The following DNAH12 variants were observed in gnomAD, a reference collection of about 807,000 sequenced individuals.
DNAH12 encodes the protein axonemal beta dynein heavy chain 12.
A neutral mutation model predicts 371.5 loss-of-function variants in DNAH12; 285 were observed. The ratio of observed to expected loss-of-function variants is 0.77; its 90% CI spans 0.70 to 0.85. DNAH12 has a LOEUF of 0.85. Among genes scored for constraint, DNAH12 ranks in the 40% least tolerant of loss-of-function variants. The pLI, the probability that DNAH12 is intolerant of heterozygous loss-of-function variation, is 0.00. For missense variants in DNAH12, 3,611 were observed against 3,689.4 expected, an observed-to-expected ratio of 0.98 and a Z score of 0.55; for synonymous variants, 1,200 against 1,213.0, an observed-to-expected ratio of 0.99 and a Z score of 0.22.
chr3:57,508,483 T>A lies in DNAH12; in HGVS notation c.600A>T (p.Ile200=), dbSNP rs1394383324. 7.4e-6 allele frequency: 12 copies of A among 1,613,228 alleles called. No individual in the cohort carries two copies. Among genetic ancestry groups the A allele is most frequent in the Non-Finnish European group, 1.0e-5 (12 of 1,179,862 alleles). ...GATGAATAATGTGCAAATTAGAGAATATTTGATTTCTTGCCTGCACATAGC... is the reference window on the plus strand; with the variant it reads ...GATGAATAATGTGCAAATTAGAGAAAATTTGATTTCTTGCCTGCACATAGC... ...HSSYVQARNQ[I]FSNLHIIHPT... The change falls in exon 7 of 74, where the codon ATA becomes ATT. Residue 200 remains isoleucine (I), a synonymous_variant. Coordinates refer to ENST00000495027, the MANE Select transcript of DNAH12 (RefSeq NM_001366028.2).
intron 25 of DNAH12, among the ~76,000 whole-genome samples, chr3:57,451,123 T>C (rs1364789514): frequency 6.6e-6 from 1 of 152,220 alleles, no homozygotes; most frequent in Non-Finnish European, 1.5e-5. Flanking sequence ...GCTGTCCTTA[T>C]TTCCCTACAG....
intron 60 of DNAH12, 147 bp from the exon 61 acceptor site, chr3:57,335,087 AAAC>A (rs1249903721): frequency 1.1e-6 from 1 of 872,106 alleles, no homozygotes; most frequent in Non-Finnish European, 1.7e-6. Context: ...AAAATTAATG[AAAC>A]AACTGTTTTT....
chr3:57,421,902 CTTTTTT>C (rs368757579), intron 35 of DNAH12, among the ~76,000 whole-genome samples, 196 bp from the exon 36 acceptor site: 1 of 98,546 alleles, frequency 1.0e-5, no homozygotes, highest in African/African-American at 4.9e-5. Flanking sequence ...GTTTGCATGT[CTTTTTT>C]TTTTTTTTTT....
At chr3:57,310,645 GA>G (rs1193910647) in intron 67 of DNAH12, 71 bp downstream of exon 67, 1 of 1,044,246 alleles carries the variant, frequency 9.6e-7, no homozygotes, top group African/African-American at 1.6e-5. Flanking sequence ...ATACATTAGA[GA>G]AGAACATTTC....
intron 69 of DNAH12, among the ~76,000 whole-genome samples, chr3:57,302,529 GTATATATA>G (rs71088055): frequency 0.21 from 10,134 of 47,418 alleles, 1,200 homozygotes; most frequent in Middle Eastern, 0.32. Flanking sequence ...GGCATCAGGT[GTATATATA>G]TATATATATA....
At position 57,295,552 on chromosome 3, in the gene DNAH12, G is replaced by C; in HGVS notation, c.11665C>G (p.Leu3889Val). 4 of 1,545,332 alleles carry C rather than the reference G, an allele frequency of 2.6e-6. No individual in the cohort carries two copies. Among genetic ancestry groups the C allele is most frequent in the Non-Finnish European group, 3.5e-6 (4 of 1,144,718 alleles). ...GGTTTTATCCATATGATGGGCATCA[G>C]GTCAAACAGAAGTTTGGGATATTGT... ...AEQYPKLLFD[L>V]MPIIWIKPTQ... Residue 3889 changes from leucine (L) to valine (V), a missense_variant, in exon 73 of 74, where the codon CTG (leucine) becomes GTG (valine). Leu to Val is a conservative substitution (Grantham distance 32). Transcript: ENST00000495027.
chr3:57,309,335 T>TG, intron 68 of DNAH12, 81 bp from the exon 69 acceptor site: 1 of 1,120,672 alleles, frequency 8.9e-7, no homozygotes, highest in Non-Finnish European at 1.3e-6. Context: ...TAATAATAGC[T>TG]AATACTAGGG....
chr3:57,550,932 G>A, the DNAH12 span, among the ~76,000 whole-genome samples: 224 of 149,412 alleles, frequency 1.5e-3, no homozygotes, highest in African/African-American at 5.4e-3. Context: ...AGGCTGGAGT[G>A]CAGTGGCGCA....
At chr3:57,350,656 TATTAAA>T (rs1553659844) in intron 60 of DNAH12, among the ~76,000 whole-genome samples, 1 of 152,166 alleles carries the variant, frequency 6.6e-6, no homozygotes, top group African/African-American at 2.4e-5. Flanking sequence ...AATCAGATTA[TATTAAA>T]ATTAAGAACT....
chr3:57,402,549 G>A, intron 43 of DNAH12: 4 of 748,834 alleles, frequency 5.3e-6, no homozygotes, highest in Non-Finnish European at 7.8e-6. Flanking sequence ...TCTCTGAACT[G>A]GAATAAATAT....
intron 2 of DNAH12, among the ~76,000 whole-genome samples, chr3:57,540,700 C>G (rs568095208): frequency 2.6e-4 from 39 of 152,198 alleles, no homozygotes; most frequent in African/African-American, 9.4e-4. Flanking sequence ...GAGGCCAAGG[C>G]AGATGGATCA....
At chr3:57,369,996 G>C (rs1490043479) in intron 55 of DNAH12, among the ~76,000 whole-genome samples, 1 of 152,106 alleles carries the variant, frequency 6.6e-6, no homozygotes, top group African/African-American at 2.4e-5. Context: ...AATAAGGCCA[G>C]GCCATGGTAT....
chr3:57,323,065 G>A lies in DNAH12; in HGVS notation c.10325C>T (p.Thr3442Ile), dbSNP rs2061844088. Residue 3442 changes from threonine (T) to isoleucine (I), a missense_variant, in exon 64 of 74, where the codon ACC (threonine) becomes ATC (isoleucine). This residue lies in a region of DNAH12 where 2,266 missense variants were observed against 2,236.9 expected (regional missense o/e 1.01). Transcript: ENST00000495027. Reference protein sequence around the residue: ...PMLEKICEDFTSETCNSSFRL... With the variant: ...PMLEKICEDFISETCNSSFRL... Reference sequence around the variant, plus strand: ...AAAGGATGAGTTACAGGTTTCAGAGGTAAAATCTTCACATATTTTTTCCAA... The same window carrying A: ...AAAGGATGAGTTACAGGTTTCAGAGATAAAATCTTCACATATTTTTTCCAA... The A allele has an allele frequency of 1.3e-6, 2 of 1,552,398 alleles. No individual in the cohort carries two copies. The highest frequency in any genetic ancestry group is 1.7e-6 in the Non-Finnish European group (2 of 1,147,142).
intron 25 of DNAH12, 59 bp from the exon 26 acceptor site, chr3:57,446,748 C>T: frequency 1.5e-6 from 2 of 1,370,756 alleles, no homozygotes; most frequent in East Asian, 5.2e-5. Context: ...AAACAACAGA[C>T]ACTTGTTTAC....
Position 57,489,691 on chromosome 3 carries a change from G to A in DNAH12, c.1336-4C>T, listed in dbSNP as rs2067050595. The A allele has an allele frequency of 2.0e-6, 3 of 1,492,094 alleles. No individual in the cohort carries two copies. Among genetic ancestry groups the A allele is most frequent in the African/African-American group, 1.5e-5 (1 of 68,534 alleles). 92.4% of individuals were successfully genotyped at this position (1,492,094 alleles called of 1,614,324 possible). On this transcript the variant is annotated splice_polypyrimidine_tract_variant and splice_region_variant and intron_variant, in intron 11 of 73. Transcript: ENST00000495027. ...GACTGAGAAATTTTTCTATAAACTT[G>A]AAAAAAAGTGTTCAAATGAAAAAAA...
At chr3:57,478,115 C>CAAAAAAAA (rs1267684528) in intron 13 of DNAH12, among the ~76,000 whole-genome samples, 1 of 152,104 alleles carries the variant, frequency 6.6e-6, no homozygotes, top group Non-Finnish European at 1.5e-5. Flanking sequence ...TTCAGATGAT[C>CAAAAAAAA]AAACTACTTT....
chr3:57,553,886 G>A, the DNAH12 span, among the ~76,000 whole-genome samples: 2 of 149,590 alleles, frequency 1.3e-5, no homozygotes, highest in Non-Finnish European at 3.0e-5. Context: ...GGGCAGTGGC[G>A]CGATCTCGGC....
intron 11 of DNAH12, among the ~76,000 whole-genome samples, chr3:57,499,673 T>TATATACACACACAC (rs771112538): frequency 2.2e-4 from 10 of 44,458 alleles, no homozygotes; most frequent in Non-Finnish European, 3.0e-4. Flanking sequence ...TATATATATA[T>TATATACACACACAC]ATACTTCTTA....
chr3:57,311,535 C>G (rs2061584383), intron 66 of DNAH12, among the ~76,000 whole-genome samples: 1 of 152,228 alleles, frequency 6.6e-6, no homozygotes, highest in Non-Finnish European at 1.5e-5. Context: ...TTTTATGGCA[C>G]TAGCTATCAA....
Sources: allele counts gnomAD v4.1 joint callset (sites outside exome capture counted in the v4.1 genomes callset), GRCh38; gene constraint gnomAD v4.1.1; regional missense constraint gnomAD v4.1.1; transcripts MANE v1.5; gene names NCBI Gene and HGNC (gene_info 2026-07-23, HGNC 2026-07-21).